The following ATP10A variants were observed in gnomAD, a reference collection of about 807,000 sequenced individuals.
ATP10A encodes phospholipid-transporting ATPase VA.
ATP10A carries 111 observed loss-of-function variants against 147.8 expected under a neutral mutation model. The ratio of observed to expected loss-of-function variants is 0.75; its 90% CI spans 0.64 to 0.88. ATP10A has a LOEUF of 0.88. Among genes scored for constraint, ATP10A ranks in the 40% least tolerant of loss-of-function variants. ATP10A has a pLI of 0.00. For missense variants in ATP10A, 1,927 were observed against 1,959.0 expected, an observed-to-expected ratio of 0.98 and a Z score of 0.31; for synonymous variants, 875 against 841.6, an observed-to-expected ratio of 1.04 and a Z score of -0.69.
intron 19 of ATP10A, among the ~76,000 whole-genome samples, 180 bp from the exon 20 acceptor site, chr15:25,680,488 G>A (rs1040448528): frequency 6.6e-6 from 1 of 152,180 alleles, no homozygotes; most frequent in African/African-American, 2.4e-5. Context: ...CCCATGGACC[G>A]CCCTGGGAGA....
chr15:25,783,901 C>G (rs1261232697), intron 1 of ATP10A, among the ~76,000 whole-genome samples: 3 of 152,200 alleles, frequency 2.0e-5, no homozygotes, highest in African/African-American at 7.2e-5. Context: ...TGCAGAGGCT[C>G]GTTCCTCAGG....
chr15:25,791,549 A>G (rs560917430), intron 1 of ATP10A, among the ~76,000 whole-genome samples: 1 of 152,036 alleles, frequency 6.6e-6, no homozygotes, highest in South Asian at 2.1e-4. Context: ...CACCTGCCCA[A>G]CAGTTTTTTA....
Position 25,863,054 on chromosome 15 carries a change from C to G in ATP10A, c.43G>C (p.Gly15Arg). The G allele has an allele frequency of 8.0e-7, 1 of 1,252,402 alleles. No homozygotes were observed. The highest frequency in any genetic ancestry group is 3.4e-5 in the East Asian group (1 of 29,578). The allele number at this position is 1,252,402 out of a possible 1,614,324, so 77.6% of individuals were successfully genotyped here. A position where few individuals can be genotyped will look rare whatever the true frequency, so the allele number is the denominator to read the frequency against. ...PAGTEEPGPP[G>R]RRRRREGRTR... The stretch of plus-strand genomic sequence containing the variant: ...CTGCCCTCTCGGCGCCTCCGCCGTC[C>G]CGGAGGCCCGGGCTCCTCGGTCCCC... Residue 15 changes from glycine (G) to arginine (R), a missense_variant, in exon 1 of 21, where the codon GGA (glycine) becomes CGA (arginine). Gly to Arg is a moderately radical substitution (Grantham distance 125, BLOSUM62 -2). Transcript: ENST00000555815.
Position 25,683,284 on chromosome 15 carries a change from A to G in ATP10A, c.3492+2T>C. ...GAAGGCGGAGACTCGGGGGAGCTTT[A>G]CCTCCATGTTCTGGCCACTCTTGTA... On this transcript the variant is annotated splice_donor_variant, in intron 17 of 20. Transcript: ENST00000555815. LOFTEE classifies it high-confidence loss of function. 6.2e-7 allele frequency: 1 copy of G among 1,612,928 alleles called. No homozygotes were observed. Among genetic ancestry groups the G allele is most frequent in the Non-Finnish European group, 8.5e-7 (1 of 1,179,784 alleles).
chr15:25,811,238 G>A (rs1236914885), intron 1 of ATP10A, among the ~76,000 whole-genome samples: 5 of 152,172 alleles, frequency 3.3e-5, no homozygotes, highest in East Asian at 1.9e-4. Context: ...CAGCAGAAAC[G>A]GACTTCCCTG....
intron 14 of ATP10A, among the ~76,000 whole-genome samples, chr15:25,692,673 C>T (rs1900101653): frequency 1.3e-5 from 2 of 152,168 alleles, no homozygotes; most frequent in African/African-American, 4.8e-5. Context: ...CAGCTTTCCC[C>T]AGAATGTCCC....
At chr15:25,815,923 A>G (rs1230589506) in intron 1 of ATP10A, among the ~76,000 whole-genome samples, 5 of 151,902 alleles carry the variant, frequency 3.3e-5, no homozygotes, top group East Asian at 1.9e-4. Context: ...GCCTAACTCT[A>G]TGCTAATAAT....
intron 2 of ATP10A, among the ~76,000 whole-genome samples, chr15:25,774,166 A>T (rs1250469154): frequency 6.6e-6 from 1 of 152,226 alleles, no homozygotes; most frequent in African/African-American, 2.4e-5. Context: ...ATAAGAAATG[A>T]TCATTTCCAA....
intron 3 of ATP10A, among the ~76,000 whole-genome samples, chr15:25,732,622 T>C (rs1887009285): frequency 5.4e-5 from 1 of 18,518 alleles, no homozygotes; most frequent in Non-Finnish European, 1.9e-4. Context: ...GTGGTGTGAT[T>C]CTGGCTCACT....
At chr15:25,693,953 T>C (rs1178782500) in intron 14 of ATP10A, among the ~76,000 whole-genome samples, 1 of 152,220 alleles carries the variant, frequency 6.6e-6, no homozygotes, top group Non-Finnish European at 1.5e-5. Context: ...CACTGGCTGA[T>C]TGATTGGCGA....
At chr15:25,779,015 T>C (rs1434067077) in intron 2 of ATP10A, among the ~76,000 whole-genome samples, 2 of 152,186 alleles carry the variant, frequency 1.3e-5, no homozygotes, top group Admixed American at 6.5e-5. Context: ...TAGCTGAGAC[T>C]ACAGGCATGC....
At chr15:25,837,446 C>T (rs909726607) in intron 1 of ATP10A, among the ~76,000 whole-genome samples, 1 of 152,170 alleles carries the variant, frequency 6.6e-6, no homozygotes, top group Admixed American at 6.5e-5. Flanking sequence ...CGCTAACAAA[C>T]AATCTCAAAC....
chr15:25,832,019 C>T (rs1892376628), intron 1 of ATP10A, among the ~76,000 whole-genome samples: 1 of 152,052 alleles, frequency 6.6e-6, no homozygotes, highest in Admixed American at 6.6e-5. Flanking sequence ...GTATGGCGGG[C>T]CCTAACCCAA....
intron 1 of ATP10A, among the ~76,000 whole-genome samples, chr15:25,785,402 G>A (rs1890112303): frequency 6.6e-6 from 1 of 152,196 alleles, no homozygotes; most frequent in Non-Finnish European, 1.5e-5. Flanking sequence ...CCACACCTCG[G>A]TGTCTGACTT....
At chr15:25,840,780 T>C (rs944116167) in intron 1 of ATP10A, among the ~76,000 whole-genome samples, 3 of 152,166 alleles carry the variant, frequency 2.0e-5, no homozygotes, top group African/African-American at 7.2e-5. Flanking sequence ...GTAGGAGAGA[T>C]CCCATTTCTC....
chr15:25,798,047 A>G (rs1389268749), intron 1 of ATP10A, among the ~76,000 whole-genome samples: 1 of 152,166 alleles, frequency 6.6e-6, no homozygotes, highest in Non-Finnish European at 1.5e-5. Flanking sequence ...CGTCAGGGTC[A>G]CAAATCTGGA....
At chr15:25,800,105 C>T (rs1474211432) in intron 1 of ATP10A, among the ~76,000 whole-genome samples, 3 of 152,180 alleles carry the variant, frequency 2.0e-5, no homozygotes, top group African/African-American at 4.8e-5. Flanking sequence ...AAGTGCAAAA[C>T]GCAAGGGTGC....
intron 1 of ATP10A, among the ~76,000 whole-genome samples, chr15:25,857,817 C>T (rs1028366053): frequency 6.6e-6 from 1 of 151,920 alleles, no homozygotes; most frequent in Admixed American, 6.6e-5. Context: ...GCTCAAATCA[C>T]GGTACTGCCA....
chr15:25,801,422 C>T (rs1438699683), intron 1 of ATP10A, among the ~76,000 whole-genome samples: 1 of 152,188 alleles, frequency 6.6e-6, no homozygotes, highest in African/African-American at 2.4e-5. Flanking sequence ...GTGGGGATAA[C>T]ACTGGCAATG....
Sources: allele counts gnomAD v4.1 joint callset (sites outside exome capture counted in the v4.1 genomes callset), GRCh38; gene constraint gnomAD v4.1.1; transcripts MANE v1.5; gene names NCBI Gene and HGNC (gene_info 2026-07-23, HGNC 2026-07-21).